Variants in DAB1 observed in about 807,000 individuals in gnomAD.
DAB1 encodes disabled homolog 1.
Under a neutral mutation model 64.6 loss-of-function variants are expected in DAB1, and 15 were observed. That is an observed-to-expected ratio of 0.23 (90% CI 0.16 to 0.36). The LOEUF (loss-of-function observed/expected upper bound fraction) is 0.36. DAB1 is among the 10% of genes least tolerant of loss of function. DAB1 has a pLI of 1.00. For synonymous variants in DAB1, 235 were observed against 251.9 expected (o/e 0.93, Z 0.64); for missense variants, 596 against 706.7 (o/e 0.84, Z 1.78).
intron 4 of DAB1, among the ~76,000 whole-genome samples, chr1:58,167,122 T>C (rs1304839793): frequency 6.6e-6 from 1 of 152,116 alleles, no homozygotes; most frequent in Non-Finnish European, 1.5e-5. Context: ...ACTAGCATTA[T>C]ATGAAACAAT....
At chr1:57,903,434 T>A (rs1048788175) in intron 5 of DAB1, among the ~76,000 whole-genome samples, 4 of 152,162 alleles carry the variant, frequency 2.6e-5, no homozygotes, top group African/African-American at 9.7e-5. Flanking sequence ...ATTCATTGCT[T>A]GCTGTCCTTA....
chr1:57,327,884 T>G (rs1054419719), intron 1 of DAB1, among the ~76,000 whole-genome samples: 3 of 152,080 alleles, frequency 2.0e-5, no homozygotes, highest in Admixed American at 6.5e-5. Flanking sequence ...AACATGGAGA[T>G]ATGATTGACC....
intron 4 of DAB1, among the ~76,000 whole-genome samples, chr1:58,306,060 G>A (rs1007094997): frequency 4.6e-5 from 7 of 151,722 alleles, no homozygotes; most frequent in African/African-American, 1.7e-4. Flanking sequence ...ACACACATTG[G>A]TCAGGGTTCG....
At chr1:57,659,922 A>G (rs547702145) in intron 6 of DAB1, among the ~76,000 whole-genome samples, 5 of 152,012 alleles carry the variant, frequency 3.3e-5, no homozygotes, top group Admixed American at 6.6e-5. Context: ...GGTTGCAGTC[A>G]GCAGAGATCA....
chr1:58,246,391 G>A (rs980154896), intron 4 of DAB1, among the ~76,000 whole-genome samples: 4 of 152,174 alleles, frequency 2.6e-5, no homozygotes, highest in East Asian at 3.9e-4. Context: ...GAGGGAACAC[G>A]AGCTTCCTGA....
At chr1:57,049,928 G>A (rs77958101) in intron 9 of DAB1, among the ~76,000 whole-genome samples, 6,547 of 152,196 alleles carry the variant, frequency 0.043, 474 homozygotes, top group African/African-American at 0.15. Context: ...TGTGGCAGTG[G>A]CTGAGTCTCC....
chr1:57,270,061 A>C (rs1670876664), intron 2 of DAB1, among the ~76,000 whole-genome samples: 1 of 152,210 alleles, frequency 6.6e-6, no homozygotes, highest in Admixed American at 6.5e-5. Context: ...GGAGAGCCCG[A>C]GCACTGGATG....
At chr1:58,274,747 C>T (rs609679) in intron 4 of DAB1, among the ~76,000 whole-genome samples, 2,194 of 152,242 alleles carry the variant, frequency 0.014, 62 homozygotes, top group African/African-American at 0.049. Context: ...GCGCAATATT[C>T]GGGTGGGAGT....
chr1:57,630,103 A>C lies in DAB1; in HGVS notation n.625+19489T>G, dbSNP rs368464654. On this transcript the variant is annotated intron_variant and non_coding_transcript_variant, in intron 7 of 20. Coordinates refer to the DAB1 transcript ENST00000485760. Reference sequence around the variant, plus strand: ...ATGGCATAGCAGCAAACAAAGTCTGAGGCTACATGAGACTCAAAAATAAGA... The same window carrying C: ...ATGGCATAGCAGCAAACAAAGTCTGCGGCTACATGAGACTCAAAAATAAGA... Among the ~76,000 whole-genome samples the C allele has an allele frequency of 3.7e-4, 57 of 152,346 alleles. 1 individual carries two copies. The East Asian group carries it at 9.5e-3, about 25-fold the overall frequency.
intron 7 of DAB1, among the ~76,000 whole-genome samples, chr1:57,548,565 C>A (rs1644880354): frequency 6.6e-6 from 1 of 152,204 alleles, no homozygotes; most frequent in African/African-American, 2.4e-5. Context: ...GTCTTCTAGC[C>A]TTTCAGTGAG....
Position 57,849,312 on chromosome 1 carries a change from G to A in DAB1, n.88-22857C>T, listed in dbSNP as rs184952139. 2.0e-3 allele frequency among the ~76,000 whole-genome samples: 298 copies of A among 152,254 alleles called. 1 individual carries two copies. The highest frequency in any genetic ancestry group is 7.1e-3 in the African/African-American group (293 of 41,538). On this transcript the variant is annotated intron_variant and non_coding_transcript_variant, in intron 1 of 1. Coordinates refer to the DAB1 transcript ENST00000477280. ...TGTCTGCTCCTTGGCCTCTATCTCT[G>A]CCTGCCTTTCTTATTCTCCATCTGG...
chr1:57,935,463 C>T (rs909177566), intron 5 of DAB1, among the ~76,000 whole-genome samples: 2 of 152,116 alleles, frequency 1.3e-5, no homozygotes, highest in Non-Finnish European at 2.9e-5. Context: ...ATCTTCATTT[C>T]AGATTATTAA....
At chr1:58,485,648 G>A (rs538378138) in intron 3 of DAB1, among the ~76,000 whole-genome samples, 55 of 151,090 alleles carry the variant, frequency 3.6e-4, no homozygotes, top group African/African-American at 1.2e-3. Context: ...ATTTCAGGGC[G>A]CCAATGTCTT....
intron 2 of DAB1, among the ~76,000 whole-genome samples, chr1:57,267,707 T>C (rs549750882): frequency 6.6e-6 from 1 of 152,310 alleles, no homozygotes; most frequent in South Asian, 2.1e-4. Flanking sequence ...CACTACACGG[T>C]AGGACTGAGG....
chr1:57,744,797 A>G (rs1352035826), intron 6 of DAB1, among the ~76,000 whole-genome samples: 1 of 152,144 alleles, frequency 6.6e-6, no homozygotes, highest in East Asian at 1.9e-4. Flanking sequence ...CAGCACAGAA[A>G]CTATGGCCGA....
chr1:57,137,355 C>T (rs536314448), intron 3 of DAB1, among the ~76,000 whole-genome samples: 43 of 152,266 alleles, frequency 2.8e-4, no homozygotes, highest in Admixed American at 8.5e-4. Flanking sequence ...CTTTGTCCAC[C>T]GCTTTATCTC....
At chr1:57,326,226 C>T (rs1676146226) in intron 1 of DAB1, among the ~76,000 whole-genome samples, 2 of 152,194 alleles carry the variant, frequency 1.3e-5, no homozygotes, top group Non-Finnish European at 2.9e-5. Flanking sequence ...GTTCGCATCC[C>T]TCAAATCATC....
intron 3 of DAB1, among the ~76,000 whole-genome samples, chr1:58,434,658 A>G (rs1644921616): frequency 6.6e-6 from 1 of 152,214 alleles, no homozygotes; most frequent in Non-Finnish European, 1.5e-5. Context: ...TAGAATGGAT[A>G]CGTCACCAAT....
At chr1:58,086,119 A>T (rs1469223070) in intron 5 of DAB1, among the ~76,000 whole-genome samples, 14 of 150,478 alleles carry the variant, frequency 9.3e-5, no homozygotes, top group Non-Finnish European at 1.5e-4. Flanking sequence ...GCCCGCCACT[A>T]CGCCCGGCTA....
Sources: allele counts gnomAD v4.1 joint callset (sites outside exome capture counted in the v4.1 genomes callset), GRCh38; gene constraint gnomAD v4.1.1; transcripts MANE v1.5; gene names NCBI Gene and HGNC (gene_info 2026-07-23, HGNC 2026-07-21).